RABGAP1L: variants seen among roughly 807,000 people sequenced by gnomAD.
RABGAP1L encodes rab GTPase-activating protein 1-like.
In RABGAP1L, 63 loss-of-function variants were observed where a neutral mutation model predicts 137.7. That is an observed-to-expected ratio of 0.46 (90% CI 0.37 to 0.56). The LOEUF is 0.56. Ranked by LOEUF, RABGAP1L falls within the 20% of genes least tolerant of loss-of-function variation. The probability of loss-of-function intolerance (pLI) is 0.00; values close to 1 mark genes in which losing one functional copy is unlikely to be tolerated. For synonymous variants in RABGAP1L, 431 were observed against 433.7 expected (o/e 0.99, Z 0.08); for missense variants, 1,095 against 1,244.0 (o/e 0.88, Z 1.80).
At chr1:174,440,293 A>T (rs538174107) in intron 13 of RABGAP1L, among the ~76,000 whole-genome samples, 1 of 152,186 alleles carries the variant, frequency 6.6e-6, no homozygotes, top group East Asian at 1.9e-4. Context: ...AACAGAAGCA[A>T]CGCGATCTGG....
At chr1:174,598,795 T>A (rs1670184863) in intron 13 of RABGAP1L, among the ~76,000 whole-genome samples, 1 of 152,158 alleles carries the variant, frequency 6.6e-6, no homozygotes, top group Non-Finnish European at 1.5e-5. Context: ...TGTGTCTTTA[T>A]TGATGAAATA....
intron 1 of RABGAP1L, among the ~76,000 whole-genome samples, chr1:174,178,784 A>G (rs1182642391): frequency 1.3e-5 from 2 of 152,222 alleles, no homozygotes; most frequent in African/African-American, 4.8e-5. Flanking sequence ...TTGAACAGTA[A>G]GAACACATGG....
chr1:174,399,195 T>C (rs1212415554), intron 13 of RABGAP1L, among the ~76,000 whole-genome samples: 1 of 152,200 alleles, frequency 6.6e-6, no homozygotes, highest in African/African-American at 2.4e-5. Context: ...ATGAATAATG[T>C]CATTTTTTCT....
At chr1:174,943,576 C>T (rs374408270) in intron 19 of RABGAP1L, among the ~76,000 whole-genome samples, 2 of 152,170 alleles carry the variant, frequency 1.3e-5, no homozygotes, top group East Asian at 3.8e-4. Flanking sequence ...TGGCTCATGC[C>T]TGTAATCCCA....
Position 174,486,805 on chromosome 1 carries a change from T to C in RABGAP1L, c.1710+92660T>C, listed in dbSNP as rs1476888005. Reference sequence around the variant, plus strand: ...TATAAACTTTCCTCTCAGTGCTGTATCCTGTAGGTTTTGGTATGTTATATT... The same window carrying C: ...TATAAACTTTCCTCTCAGTGCTGTACCCTGTAGGTTTTGGTATGTTATATT... On this transcript the variant is annotated intron_variant, in intron 13 of 25. Transcript: ENST00000681986. 3.9e-5 allele frequency among the ~76,000 whole-genome samples: 6 copies of C among 152,252 alleles called. No homozygotes were observed. The South Asian group carries it at 1.0e-3, about 26-fold the overall frequency.
At chr1:174,902,498 ATTTCCCACC>A (rs1658316799) in intron 19 of RABGAP1L, among the ~76,000 whole-genome samples, 1 of 152,120 alleles carries the variant, frequency 6.6e-6, no homozygotes. Flanking sequence ...ATACAGATGG[ATTTCCCACC>A]TTTCTGGGAA....
At chr1:174,818,077 A>G (rs745440304) in intron 19 of RABGAP1L, among the ~76,000 whole-genome samples, 3 of 152,256 alleles carry the variant, frequency 2.0e-5, no homozygotes, top group South Asian at 2.1e-4. Context: ...TAAATATCCA[A>G]TAGGCAGGTG....
In RABGAP1L at chr1:174,364,243, CTTTTTTTTTTT is replaced by C. The variant is rs1054313083; in HGVS notation, c.1466-6717_1466-6707del. Among the ~76,000 whole-genome samples the C allele has an allele frequency of 3.7e-3, 303 of 81,174 alleles. 4 individuals carry two copies. The highest frequency in any genetic ancestry group is 0.017 in the African/African-American group (229 of 13,586). The allele number at this position is 81,174 out of a possible 152,430, so 53.3% of individuals were successfully genotyped here. Reference sequence around the variant, plus strand: ...TTGTTCTGTTCAGCTTTTGGATTTCCTTTTTTTTTTTTTTTTTTTTTTTTTTTTTGAGACGG... The same window carrying C: ...TTGTTCTGTTCAGCTTTTGGATTTCCTTTTTTTTTTTTTTTTTTGAGACGG... On this transcript the variant is annotated intron_variant, in intron 11 of 25. Coordinates refer to ENST00000681986, the MANE Select transcript of RABGAP1L (RefSeq NM_001366446.1).
intron 19 of RABGAP1L, among the ~76,000 whole-genome samples, chr1:174,812,668 C>T (rs536798744): frequency 6.6e-6 from 1 of 151,848 alleles, no homozygotes; most frequent in East Asian, 1.9e-4. Flanking sequence ...CAGAAGGAAA[C>T]AGACAATAAG....
At chr1:174,562,622 T>C (rs1667296797) in intron 13 of RABGAP1L, among the ~76,000 whole-genome samples, 1 of 152,162 alleles carries the variant, frequency 6.6e-6, no homozygotes, top group Non-Finnish European at 1.5e-5. Flanking sequence ...CCATCAGTGA[T>C]AGACTGGATA....
chr1:174,615,110 G>A (rs886089528), intron 13 of RABGAP1L, among the ~76,000 whole-genome samples: 10 of 152,124 alleles, frequency 6.6e-5, no homozygotes, highest in Non-Finnish European at 1.0e-4. Context: ...GCTTTGTTTC[G>A]TTGCTGGTGA....
chr1:174,783,692 T>TTTCTTC (rs1211784512), intron 18 of RABGAP1L, among the ~76,000 whole-genome samples: 1 of 147,190 alleles, frequency 6.8e-6, no homozygotes. Context: ...TTTGATATGT[T>TTTCTTC]TTCTTCTTCT....
chr1:174,446,241 G>A (rs568453835), intron 13 of RABGAP1L, among the ~76,000 whole-genome samples: 1 of 152,342 alleles, frequency 6.6e-6, no homozygotes, highest in South Asian at 2.1e-4. Flanking sequence ...GTGAATGTAG[G>A]TGAGAAGCAT....
intron 19 of RABGAP1L, among the ~76,000 whole-genome samples, chr1:174,882,256 A>G (rs1573645682): frequency 6.6e-6 from 1 of 152,218 alleles, no homozygotes; most frequent in East Asian, 1.9e-4. Context: ...GCTTAATTAA[A>G]TATCTTTCTG....
intron 19 of RABGAP1L, among the ~76,000 whole-genome samples, chr1:174,864,419 T>C (rs1467166760): frequency 6.6e-6 from 1 of 152,236 alleles, no homozygotes; most frequent in Admixed American, 6.5e-5. Flanking sequence ...GAAAGTTGTT[T>C]AATTGACTCA....
At chr1:174,324,512 G>C (rs1352076738) in intron 11 of RABGAP1L, among the ~76,000 whole-genome samples, 3 of 152,094 alleles carry the variant, frequency 2.0e-5, no homozygotes, top group African/African-American at 2.4e-5. Context: ...CACTGAAATG[G>C]AACTATTTTT....
At chr1:174,743,888 G>GA (rs1683653203) in intron 17 of RABGAP1L, among the ~76,000 whole-genome samples, 1 of 151,192 alleles carries the variant, frequency 6.6e-6, no homozygotes, top group African/African-American at 2.4e-5. Flanking sequence ...AGTCATTTAT[G>GA]AAAAAACTGT....
In RABGAP1L at chr1:174,466,585, G is replaced by C. The variant is rs138085268; in HGVS notation, c.1710+72440G>C. Among the ~76,000 whole-genome samples, 35 of 152,312 alleles carry C rather than the reference G, an allele frequency of 2.3e-4. No individual in the cohort carries two copies. The East Asian group carries it at 6.8e-3, about 29-fold the overall frequency. The stretch of plus-strand genomic sequence containing the variant: ...GTGGATCACTTGAGGTCAGGAGTTT[G>C]AGACCAGCCTGGGCAACATGGTGAA... On this transcript the variant is annotated intron_variant, in intron 13 of 25. Transcript: ENST00000681986.
At chr1:174,880,156 A>G (rs1215057180) in intron 19 of RABGAP1L, among the ~76,000 whole-genome samples, 1 of 152,150 alleles carries the variant, frequency 6.6e-6, no homozygotes, top group African/African-American at 2.4e-5. Flanking sequence ...TCCTTGTATA[A>G]TATACATAAT....
Sources: allele counts gnomAD v4.1 joint callset (sites outside exome capture counted in the v4.1 genomes callset), GRCh38; gene constraint gnomAD v4.1.1; transcripts MANE v1.5; gene names NCBI Gene and HGNC (gene_info 2026-07-23, HGNC 2026-07-21).